The following APBA2 variants were observed in gnomAD, a reference collection of about 807,000 sequenced individuals.
APBA2 encodes the protein amyloid beta precursor protein binding family A member 2, also known as amyloid-beta A4 precursor protein-binding family A member 2.
Under a neutral mutation model 75.0 loss-of-function variants are expected in APBA2, and 30 were observed. The observed-to-expected ratio is 0.40, with a 90% CI of 0.30 to 0.54. The LOEUF (loss-of-function observed/expected upper bound fraction) is 0.54. APBA2 is among the 20% of genes least tolerant of loss of function. The pLI, the probability that APBA2 is intolerant of heterozygous loss-of-function variation, is 0.49. For synonymous variants in APBA2, 444 were observed against 409.6 expected (o/e 1.08, Z -1.01); for missense variants, 801 against 1,016.1 (o/e 0.79, Z 2.88).
chr15:29,109,328 TC>T (rs1159208506), intron 13 of APBA2, among the ~76,000 whole-genome samples: 3 of 152,204 alleles, frequency 2.0e-5, no homozygotes, highest in African/African-American at 7.2e-5. Context: ...TTAGGGTCCA[TC>T]TCTGACCCTG....
intron 13 of APBA2, among the ~76,000 whole-genome samples, chr15:29,112,563 G>A (rs1038311744): frequency 1.3e-5 from 2 of 152,174 alleles, no homozygotes; most frequent in Non-Finnish European, 2.9e-5. Flanking sequence ...CAGGATAAGA[G>A]GGCCCTGGGG....
At chr15:28,957,526 G>A (rs1310775479) in intron 2 of APBA2, among the ~76,000 whole-genome samples, 1 of 152,164 alleles carries the variant, frequency 6.6e-6, no homozygotes, top group African/African-American at 2.4e-5. Context: ...CGTGTACAAG[G>A]GTTCCAGTTT....
chr15:29,102,772 A>T (rs1003910145), intron 10 of APBA2: 5 of 152,078 alleles, frequency 3.3e-5, no homozygotes, highest in African/African-American at 1.2e-4. Context: ...AAAAAAAAAA[A>T]AATCTATCCT....
intron 6 of APBA2, among the ~76,000 whole-genome samples, chr15:29,087,223 C>T (rs531648303): frequency 9.9e-5 from 15 of 152,186 alleles, no homozygotes; most frequent in East Asian, 5.8e-4. Flanking sequence ...TGCAGTGAAC[C>T]GCCTATGCAT....
At chr15:29,003,420 A>T (rs2038953637) in intron 3 of APBA2, among the ~76,000 whole-genome samples, 1 of 152,222 alleles carries the variant, frequency 6.6e-6, no homozygotes, top group Non-Finnish European at 1.5e-5. Context: ...CCTTCTGTGC[A>T]TCAATTAGTC....
intron 5 of APBA2, 57 bp downstream of exon 5, chr15:29,075,058 G>T: frequency 8.1e-7 from 1 of 1,239,734 alleles, no homozygotes; most frequent in Non-Finnish European, 1.2e-6. Flanking sequence ...ATGATGGAGT[G>T]GCCCACCGAG....
intron 2 of APBA2, among the ~76,000 whole-genome samples, chr15:28,927,250 C>T (rs548254226): frequency 6.6e-6 from 1 of 152,048 alleles, no homozygotes; most frequent in African/African-American, 2.4e-5. Flanking sequence ...TTCCCTACCC[C>T]GCTGGTCATT....
At chr15:28,927,969 C>A (rs2034363568) in intron 2 of APBA2, among the ~76,000 whole-genome samples, 1 of 150,818 alleles carries the variant, frequency 6.6e-6, no homozygotes, top group South Asian at 2.1e-4. Flanking sequence ...CATGGAGAAA[C>A]CCCTGTCTCT....
intron 2 of APBA2, among the ~76,000 whole-genome samples, chr15:28,928,658 T>C (rs1181334920): frequency 1.3e-5 from 2 of 152,166 alleles, no homozygotes; most frequent in East Asian, 3.9e-4. Flanking sequence ...AAGGTTCTGG[T>C]AAAGTCTTTC....
chr15:29,041,712 G>T (rs150782010), intron 3 of APBA2, among the ~76,000 whole-genome samples: 2 of 152,148 alleles, frequency 1.3e-5, no homozygotes, highest in African/African-American at 4.8e-5. Context: ...TAGATTCATT[G>T]CAATCCCAAT....
At chr15:29,114,100 G>C (rs1048587881) in intron 14 of APBA2, 84 bp downstream of exon 14, 2 of 1,586,706 alleles carry the variant, frequency 1.3e-6, no homozygotes, top group African/African-American at 2.7e-5. Flanking sequence ...CCGCTCCAGA[G>C]GACACAGGGC....
intron 3 of APBA2, among the ~76,000 whole-genome samples, chr15:29,038,897 C>T (rs1404111869): frequency 4.6e-5 from 7 of 151,982 alleles, no homozygotes; most frequent in Non-Finnish European, 1.0e-4. Flanking sequence ...TGGTCTCAAA[C>T]TCCTGACCTC....
At chr15:28,887,483 T>A (rs961646645) in intron 1 of APBA2, among the ~76,000 whole-genome samples, 2 of 151,990 alleles carry the variant, frequency 1.3e-5, no homozygotes, top group Admixed American at 6.6e-5. Context: ...TGGGTCAGGG[T>A]CCCTCCAATG....
intron 3 of APBA2, among the ~76,000 whole-genome samples, chr15:29,036,593 A>G (rs1158512503): frequency 6.6e-6 from 1 of 152,188 alleles, no homozygotes; most frequent in Admixed American, 6.5e-5. Context: ...TGGGGTGCAG[A>G]GACCTCAGGT....
chr15:29,086,994 G>A (rs1482296511), intron 6 of APBA2, among the ~76,000 whole-genome samples: 1 of 152,122 alleles, frequency 6.6e-6, no homozygotes, highest in African/African-American at 2.4e-5. Context: ...TTGTAAGCAT[G>A]TCTTCCCCTT....
At chr15:28,983,720 A>G (rs1042227992) in intron 2 of APBA2, among the ~76,000 whole-genome samples, 2 of 152,180 alleles carry the variant, frequency 1.3e-5, no homozygotes, top group African/African-American at 2.4e-5. Flanking sequence ...CTGTGGGCAG[A>G]TGGGCCCTTT....
intron 5 of APBA2, 101 bp downstream of exon 5, chr15:29,075,102 A>G (rs1275261218): frequency 1.1e-6 from 1 of 923,114 alleles, no homozygotes; most frequent in Non-Finnish European, 1.7e-6. Context: ...TGATGTTCTC[A>G]TCCCACCCGG....
intron 1 of APBA2, among the ~76,000 whole-genome samples, chr15:28,887,051 C>G (rs1024143534): frequency 6.6e-6 from 1 of 152,240 alleles, no homozygotes; most frequent in South Asian, 2.1e-4. Context: ...CGACGCCTGC[C>G]GAGGACCGCC....
chr15:29,090,283 C>A (rs770148847), intron 6 of APBA2, among the ~76,000 whole-genome samples: 1 of 152,222 alleles, frequency 6.6e-6, no homozygotes, highest in African/African-American at 2.4e-5. Context: ...CCAGTGGTGA[C>A]CCCCTGCCTG....
Sources: allele counts gnomAD v4.1 joint callset (sites outside exome capture counted in the v4.1 genomes callset), GRCh38; gene constraint gnomAD v4.1.1; transcripts MANE v1.5; gene names NCBI Gene and HGNC (gene_info 2026-07-23, HGNC 2026-07-21).